TECPR1: variants seen among roughly 807,000 people sequenced by gnomAD.
TECPR1 encodes tectonin beta-propeller repeat containing 1.
A neutral mutation model predicts 162.4 loss-of-function variants in TECPR1; 122 were observed. The ratio of observed to expected loss-of-function variants is 0.75; its 90% CI spans 0.65 to 0.87. The LOEUF (loss-of-function observed/expected upper bound fraction) is 0.87, where lower values mean the gene tolerates loss of function less well. Among genes scored for constraint, TECPR1 ranks in the 40% least tolerant of loss-of-function variants. The pLI is 0.00. For synonymous variants in TECPR1, 642 were observed against 670.6 expected, an observed-to-expected ratio of 0.96 and a Z score of 0.66; for missense variants, 1,432 against 1,618.2, an observed-to-expected ratio of 0.88 and a Z score of 1.97.
intron 21 of TECPR1, 24 bp downstream of exon 21, chr7:98,222,966 A>C (rs781614479): frequency 6.2e-7 from 1 of 1,609,198 alleles, no homozygotes; most frequent in South Asian, 1.1e-5. Context: ...TTTCAAGAAG[A>C]ATCTGTCTGG....
Position 98,223,109 on chromosome 7 carries a change from C to T in TECPR1, c.2809G>A (p.Val937Met), listed in dbSNP as rs749009899. The change falls in exon 21 of 26, where the codon GTG becomes ATG. Residue 937 changes from valine (V) to methionine (M), a missense_variant. Val to Met is a conservative substitution (Grantham distance 21, BLOSUM62 1). Transcript: ENST00000447648. ...CCCGGGCTCTCCGGGATGATGGACACGTCCCTGAGGGCGATGGGGGGCACC... is the reference window on the plus strand; with the variant it reads ...CCCGGGCTCTCCGGGATGATGGACATGTCCCTGAGGGCGATGGGGGGCACC... ...LEVPPIALRD[V>M]SIIPESPGAE... The T allele has an allele frequency of 1.3e-5, 21 of 1,604,176 alleles. No individual in the cohort carries two copies. The highest frequency in any genetic ancestry group is 1.7e-5 in the Non-Finnish European group (20 of 1,176,064).
In TECPR1 at chr7:98,215,851, C is replaced by T. The variant is rs1242975805; in HGVS notation, c.*1539G>A. ...CGGCACTGGGACCCATTTCCAGAAACACTGGAACACCAGGTCTCTCAGATG... is the reference window on the plus strand; with the variant it reads ...CGGCACTGGGACCCATTTCCAGAAATACTGGAACACCAGGTCTCTCAGATG... On this transcript the variant is annotated 3_prime_UTR_variant, in exon 26 of 26. Transcript: ENST00000447648. 6.6e-6 allele frequency: 1 copy of T among 152,226 alleles called. No homozygotes were observed. 9.4% of individuals were successfully genotyped at this position (152,226 alleles called of 1,614,324 possible). A position where few individuals can be genotyped will look rare whatever the true frequency, so the allele number is the denominator to read the frequency against.
At position 98,216,780 on chromosome 7, in the gene TECPR1, G is replaced by A. The variant is rs980618418; in HGVS notation, c.*610C>T. The A allele has an allele frequency of 2.0e-5, 3 of 151,802 alleles. No homozygotes were observed. The highest frequency in any genetic ancestry group is 1.9e-4 in the East Asian group (1 of 5,160). The allele number at this position is 151,802 out of a possible 1,614,324, so 9.4% of individuals were successfully genotyped here. ...GGGTTTCACCATGTTGGCCCGTCTG[G>A]TTTGAAACTCTTGACCTAGGTGATC... On this transcript the variant is annotated 3_prime_UTR_variant, in exon 26 of 26. Coordinates refer to ENST00000447648, the MANE Select transcript of TECPR1 (RefSeq NM_015395.3).
intron 2 of TECPR1, among the ~76,000 whole-genome samples, chr7:98,247,593 T>C (rs560256289): frequency 4.6e-5 from 7 of 152,324 alleles, no homozygotes; most frequent in African/African-American, 1.4e-4. Context: ...TGAGGGCACG[T>C]TGAGAGCCAA....
Position 98,238,518 on chromosome 7 carries a change from C to T in TECPR1, c.1026G>A (p.Met342Ile). The T allele has an allele frequency of 1.3e-6, 2 of 1,563,442 alleles. No homozygotes were observed. Among genetic ancestry groups the T allele is most frequent in the South Asian group, 1.2e-5 (1 of 84,662 alleles). ...AGACCCACGTGCACACCTGGTCGTT[C>T]ATTCCCACGTTCACCATCGTCATCT... Reference protein sequence around the residue: ...VGEMTMVNVGMNDQVWGIGCE... With the variant: ...VGEMTMVNVGINDQVWGIGCE... The change falls in exon 9 of 26, where the codon ATG becomes ATA. Residue 342 changes from methionine (M) to isoleucine (I), a missense_variant. Coordinates refer to ENST00000447648, the MANE Select transcript of TECPR1 (RefSeq NM_015395.3).
rs1420250735 is a variant in TECPR1 at position 98,217,699 on chromosome 7, C to T, written c.3377G>A (p.Gly1126Asp). The change falls in exon 25 of 26, where the codon GGC becomes GAC. Residue 1126 changes from glycine (G) to aspartate (D), a missense_variant. Physicochemically the swap from Gly to Asp is moderately conservative, Grantham distance 94 (BLOSUM62 -1). Transcript: ENST00000447648. ...HEPKGHGWDY[G>D]IGGGWDHISV... ...GCCGCGGGCCCCGCTCACCCCGATG[C>T]CGTAGTCCCAGCCGTGGCCCTTGGG... The T allele has an allele frequency of 1.3e-6, 2 of 1,544,758 alleles. No homozygotes were observed.
At chr7:98,243,180 C>T (rs1387705716) in intron 6 of TECPR1, among the ~76,000 whole-genome samples, 1 of 147,160 alleles carries the variant, frequency 6.8e-6, no homozygotes, top group East Asian at 2.0e-4. Context: ...CGTCCAGTGG[C>T]ACACCTTCTG....
Position 98,222,777 on chromosome 7 carries a change from C to T in TECPR1, c.2928+213G>A, listed in dbSNP as rs952082509. 7.5e-6 allele frequency: 6 copies of T among 802,300 alleles called. No homozygotes were observed. The Admixed American group carries it at 1.2e-4, about 16-fold the overall frequency. 49.7% of individuals were successfully genotyped at this position (802,300 alleles called of 1,614,324 possible). On this transcript the variant is annotated intron_variant, in intron 21 of 25. Transcript: ENST00000447648. ...GGTGCTGACCACCAAGGACTGGGTGCCAAAGAGCCGCAGTGTCCCCTTGGC... is the reference window on the plus strand; with the variant it reads ...GGTGCTGACCACCAAGGACTGGGTGTCAAAGAGCCGCAGTGTCCCCTTGGC...
chr7:98,231,479 T>C, intron 13 of TECPR1, 106 bp from the exon 14 acceptor site: 1 of 1,248,670 alleles, frequency 8.0e-7, no homozygotes, highest in Non-Finnish European at 1.1e-6. Context: ...TCGGACACCC[T>C]CTCTCCTGGC....
At chr7:98,243,684 C>T in intron 5 of TECPR1, 92 bp from the exon 6 acceptor site, 1 of 1,477,002 alleles carries the variant, frequency 6.8e-7, no homozygotes. Flanking sequence ...TCCGGACTTC[C>T]ATTCTTCAGC....
At chr7:98,221,171 G>A (rs1469407431) in intron 23 of TECPR1, among the ~76,000 whole-genome samples, 3 of 152,146 alleles carry the variant, frequency 2.0e-5, no homozygotes, top group African/African-American at 4.8e-5. Flanking sequence ...GTGTGGTGGT[G>A]CGTGTCTGTA....
intron 15 of TECPR1, 79 bp downstream of exon 15, chr7:98,230,882 C>T: frequency 6.5e-7 from 1 of 1,529,922 alleles, no homozygotes; most frequent in Non-Finnish European, 8.8e-7. Context: ...GGACTCCAGT[C>T]CTCTGGATCC....
At chr7:98,242,948 C>A (rs1475242906) in intron 6 of TECPR1, among the ~76,000 whole-genome samples, 62 of 95,984 alleles carry the variant, frequency 6.5e-4, no homozygotes, top group Admixed American at 7.7e-4. Context: ...ACACACCCAC[C>A]CACCCATCCA....
rs1382737633 is a variant in TECPR1, at chr7:98,223,047, G to A, written c.2871C>T (p.Ala957=). 27 of 1,609,616 alleles carry A rather than the reference G, an allele frequency of 1.7e-5. No homozygotes were observed. In the East Asian group the frequency reaches 4.5e-4, roughly 27 times the overall value. ...ACAGCACATCCCCCTTGTCGCTGAC[G>A]GCCCAGAGGGCGATGCTGTGCCCAC... is the stretch of plus-strand genomic sequence containing the variant. The part of the protein sequence containing the change: ...EGSGHSIALW[A]VSDKGDVLCR... The change falls in exon 21 of 26, where the codon GCC becomes GCT. Residue 957 remains alanine (A), a synonymous_variant. Coordinates refer to ENST00000447648, the MANE Select transcript of TECPR1 (RefSeq NM_015395.3).
At chr7:98,237,295 CTT>C (rs1201019719) in intron 9 of TECPR1, among the ~76,000 whole-genome samples, 1 of 152,040 alleles carries the variant, frequency 6.6e-6, no homozygotes, top group Non-Finnish European at 1.5e-5. Context: ...GTTTTGTTGT[CTT>C]TGTTTTTTGT....
intron 23 of TECPR1, among the ~76,000 whole-genome samples, chr7:98,221,267 A>C (rs1798132570): frequency 6.6e-6 from 1 of 152,074 alleles, no homozygotes; most frequent in Non-Finnish European, 1.5e-5. Context: ...GCACCACTGC[A>C]CTCTAGCCTG....
At chr7:98,227,825 A>C (rs1240800500) in intron 17 of TECPR1, among the ~76,000 whole-genome samples, 189 bp downstream of exon 17, 1 of 147,730 alleles carries the variant, frequency 6.8e-6, no homozygotes. Context: ...CTGTATCAAA[A>C]AAAAAAAAAA....
At chr7:98,234,037 A>T in intron 10 of TECPR1, 126 bp from the exon 11 acceptor site, 1 of 1,250,254 alleles carries the variant, frequency 8.0e-7, no homozygotes. Flanking sequence ...AACCTCTCTG[A>T]ACTCCTGTCT....
chr7:98,243,399 T>C (rs1798820284), intron 6 of TECPR1, 68 bp downstream of exon 6: 1 of 1,583,520 alleles, frequency 6.3e-7, no homozygotes. Context: ...ACCCAGGGGG[T>C]GCACAGGACA....
Sources: gnomAD v4.1 joint callset for allele counts (sites outside exome capture counted in the v4.1 genomes callset) on GRCh38, gnomAD v4.1.1 for gene constraint, MANE v1.5 for transcripts, NCBI Gene and HGNC (gene_info 2026-07-23, HGNC 2026-07-21) for gene names.